Variants in CAMSAP1 observed in about 807,000 individuals in gnomAD.
CAMSAP1 encodes the protein calmodulin-regulated spectrin-associated protein 1.
CAMSAP1 carries 58 observed loss-of-function variants against 143.5 expected under a neutral mutation model. The observed-to-expected ratio is 0.40, with a 90% CI of 0.33 to 0.50. The LOEUF (loss-of-function observed/expected upper bound fraction) is 0.50. Among genes scored for constraint, CAMSAP1 ranks in the 20% least tolerant of loss-of-function variants. The pLI, the probability that CAMSAP1 is intolerant of heterozygous loss-of-function variation, is 0.45. For synonymous variants in CAMSAP1, 945 were observed against 859.3 expected (o/e 1.10, Z -1.74); for missense variants, 1,969 against 2,115.7 (o/e 0.93, Z 1.36).
rs2131644838 is a variant in CAMSAP1 at position 135,818,183 on chromosome 9, C to T, written c.4169-104G>A. On this transcript the variant is annotated intron_variant, in intron 13 of 16. Coordinates refer to ENST00000389532, the MANE Select transcript of CAMSAP1 (RefSeq NM_015447.4). This position sits in a 1 kb window ranked among gnomAD's most constrained non-coding sequence, Gnocchi z 7.7. ...CACCTCGCCCTGCAGAGCTCGGCCA[C>T]ACAGGCCGCGTCCCCACCCCATCCC... 7.8e-7 allele frequency: 1 copy of T among 1,285,700 alleles called. No homozygotes were observed. The highest frequency in any genetic ancestry group is 2.5e-5 in the East Asian group (1 of 39,790). 79.6% of individuals were successfully genotyped at this position (1,285,700 alleles called of 1,614,324 possible). A position where few individuals can be genotyped will look rare whatever the true frequency, so the allele number is the denominator to read the frequency against.
At chr9:135,840,845 G>A (rs181050064) in intron 7 of CAMSAP1, among the ~76,000 whole-genome samples, 5 of 152,250 alleles carry the variant, frequency 3.3e-5, no homozygotes, top group South Asian at 2.1e-4. Flanking sequence ...CACAGTCTTC[G>A]CAACCCACAG....
chr9:135,809,285 A>G lies in CAMSAP1; in HGVS notation c.*2024T>C, dbSNP rs1319988844. On this transcript the variant is annotated 3_prime_UTR_variant, in exon 17 of 17. Transcript: ENST00000389532. ...GGGACATCAGGAATGTCCATGCCAC[A>G]TTAGTGCTTACTCGCAACGAACAGT... The G allele has an allele frequency of 6.6e-6, 1 of 152,230 alleles. No homozygotes were observed. The highest frequency in any genetic ancestry group is 2.4e-5 in the African/African-American group (1 of 41,464). The allele number at this position is 152,230 out of a possible 1,614,324, so 9.4% of individuals were successfully genotyped here. A position where few individuals can be genotyped will look rare whatever the true frequency, so the allele number is the denominator to read the frequency against.
chr9:135,849,242 A>G (rs1009188543), intron 7 of CAMSAP1, among the ~76,000 whole-genome samples: 2 of 152,258 alleles, frequency 1.3e-5, no homozygotes, highest in Non-Finnish European at 1.5e-5. Context: ...CTGTTTTAGA[A>G]TAAAGTGCTG....
At chr9:135,850,891 C>T (rs571935762) in intron 5 of CAMSAP1, among the ~76,000 whole-genome samples, 3 of 152,362 alleles carry the variant, frequency 2.0e-5, no homozygotes, top group African/African-American at 7.2e-5. Flanking sequence ...AAACGTAAAG[C>T]ATCAGGCTCA....
chr9:135,861,819 C>T (rs1837202576), intron 5 of CAMSAP1, among the ~76,000 whole-genome samples: 1 of 152,152 alleles, frequency 6.6e-6, no homozygotes, highest in African/African-American at 2.4e-5. Flanking sequence ...AAACCTAAAT[C>T]AGAATTCATG....
intron 3 of CAMSAP1, among the ~76,000 whole-genome samples, chr9:135,871,522 A>G (rs555306431): frequency 3.0e-4 from 46 of 152,330 alleles, no homozygotes; most frequent in Non-Finnish European, 5.1e-4. Flanking sequence ...ATTTTTCACT[A>G]AAACATTGTT....
At position 135,811,151 on chromosome 9, in the gene CAMSAP1, G is replaced by GT; in HGVS notation, c.*157dup. Reference sequence around the variant, plus strand: ...GCTGAGAGAGGGGTTTTCTTCTGCTGTCTAGAAACCTCTTTGCAAAAGGTC... The same window carrying GT: ...GCTGAGAGAGGGGTTTTCTTCTGCTGTTCTAGAAACCTCTTTGCAAAAGGTC... On this transcript the variant is annotated 3_prime_UTR_variant, in exon 17 of 17. Coordinates refer to ENST00000389532, the MANE Select transcript of CAMSAP1 (RefSeq NM_015447.4). The surrounding 1 kb of genome is among the most constrained non-coding windows in gnomAD (Gnocchi z 4.9). The GT allele has an allele frequency of 1.2e-6, 1 of 833,582 alleles. No individual in the cohort carries two copies. The highest frequency in any genetic ancestry group is 1.8e-5 in the South Asian group (1 of 54,270). 51.6% of individuals were successfully genotyped at this position (833,582 alleles called of 1,614,324 possible). A position where few individuals can be genotyped will look rare whatever the true frequency, so the allele number is the denominator to read the frequency against.
At chr9:135,877,331 T>G (rs1837786435) in intron 3 of CAMSAP1, among the ~76,000 whole-genome samples, 1 of 151,322 alleles carries the variant, frequency 6.6e-6, no homozygotes, top group Non-Finnish European at 1.5e-5. Context: ...AGTAGTTACC[T>G]GCATTGGGGT....
intron 7 of CAMSAP1, among the ~76,000 whole-genome samples, chr9:135,841,069 C>T (rs565853470): frequency 6.6e-6 from 1 of 152,172 alleles, no homozygotes; most frequent in Non-Finnish European, 1.5e-5. Context: ...ATCCAACCCC[C>T]ACAGAGCCCA....
chr9:135,827,344 A>C lies in CAMSAP1; in HGVS notation c.1223+63T>G, dbSNP rs895456978. 3 of 1,375,696 alleles carry C rather than the reference A, an allele frequency of 2.2e-6. No homozygotes were observed. In the African/African-American group the frequency reaches 4.3e-5, roughly 20 times the overall value. The allele number at this position is 1,375,696 out of a possible 1,614,324, so 85.2% of individuals were successfully genotyped here. On this transcript the variant is annotated intron_variant, in intron 8 of 16. Coordinates refer to ENST00000389532, the MANE Select transcript of CAMSAP1 (RefSeq NM_015447.4). The stretch of plus-strand genomic sequence containing the variant: ...AAAAGGTAACTTCAATTAATATTTT[A>C]AACTAACACAAAAAGGGACACAAGA...
At position 135,818,738 on chromosome 9, in the gene CAMSAP1, C is replaced by G. The variant is rs1009434187; in HGVS notation, c.3960-122G>C. The G allele has an allele frequency of 6.4e-6, 8 of 1,242,760 alleles. No homozygotes were observed. In the African/African-American group the frequency reaches 1.1e-4, roughly 16 times the overall value. The allele number at this position is 1,242,760 out of a possible 1,614,324, so 77.0% of individuals were successfully genotyped here. On this transcript the variant is annotated intron_variant, in intron 12 of 16. Coordinates refer to ENST00000389532, the MANE Select transcript of CAMSAP1 (RefSeq NM_015447.4). The surrounding 1 kb of genome is among the most constrained non-coding windows in gnomAD (Gnocchi z 7.7). ...CCCCGGCCGCTGGGACCAAGAGTGG[C>G]CAGCCTCCACAAGCGGGACACAGAG... is the stretch of plus-strand genomic sequence containing the variant.
rs375587575 is a variant in CAMSAP1 at position 135,851,027 on chromosome 9, T to C, written c.809-566A>G. Among the ~76,000 whole-genome samples the C allele has an allele frequency of 7.7e-4, 118 of 152,276 alleles. 2 individuals carry two copies. In the East Asian group the frequency reaches 0.02, roughly 26 times the overall value. Reference sequence around the variant, plus strand: ...GGCTATAGCATCTGCAGGGCAACTTTCCATTGCACGTGACTTTGCAGACCC... The same window carrying C: ...GGCTATAGCATCTGCAGGGCAACTTCCCATTGCACGTGACTTTGCAGACCC... On this transcript the variant is annotated intron_variant, in intron 5 of 16. Transcript: ENST00000389532.
At position 135,825,452 on chromosome 9, in the gene CAMSAP1, C is replaced by G. The variant is rs114935056; in HGVS notation, c.1224-572G>C. Among the ~76,000 whole-genome samples the G allele has an allele frequency of 5.1e-3, 775 of 152,312 alleles. 5 individuals are homozygous for G. The highest frequency in any genetic ancestry group is 0.018 in the African/African-American group (745 of 41,576). On this transcript the variant is annotated intron_variant, in intron 8 of 16. Transcript: ENST00000389532. ...ATCCATAAAAACCTCTAAAATCACT[C>G]ACACCTTTACCACTCCTTGGATTAT...
At chr9:135,879,666 C>CA (rs1298956280) in intron 3 of CAMSAP1, among the ~76,000 whole-genome samples, 9 of 147,684 alleles carry the variant, frequency 6.1e-5, no homozygotes, top group East Asian at 2.0e-4. Flanking sequence ...CAGATTTGGC[C>CA]AAAAAAAAAC....
intron 16 of CAMSAP1, among the ~76,000 whole-genome samples, chr9:135,814,239 C>T (rs896981879): frequency 2.0e-5 from 3 of 152,204 alleles, no homozygotes; most frequent in Non-Finnish European, 2.9e-5. Flanking sequence ...AGAACACATC[C>T]GTTTTAAAGT....
At chr9:135,889,029 G>A (rs1470298943) in intron 1 of CAMSAP1, among the ~76,000 whole-genome samples, 1 of 152,220 alleles carries the variant, frequency 6.6e-6, no homozygotes, top group Non-Finnish European at 1.5e-5. Flanking sequence ...TCAGAGAGGG[G>A]AGAGGATCCC....
chr9:135,817,931 C>G (rs373787349), intron 14 of CAMSAP1, 46 bp downstream of exon 14: 21 of 1,546,958 alleles, frequency 1.4e-5, no homozygotes, highest in Middle Eastern at 1.7e-4. Context: ...CCTGCCCCTC[C>G]GAACGTCCTC....
At position 135,820,546 on chromosome 9, in the gene CAMSAP1, CA is replaced by C. The variant is rs10715807; in HGVS notation, c.3822+292del. ...GACAGGGTTTTGACTGGAAAACCAG[CA>C]AAAAAAAAAAAACTATGTTGAAAAT... On this transcript the variant is annotated intron_variant, in intron 11 of 16. Coordinates refer to ENST00000389532, the MANE Select transcript of CAMSAP1 (RefSeq NM_015447.4). This position sits in a 1 kb window ranked among gnomAD's most constrained non-coding sequence, Gnocchi z 4.4. Among the ~76,000 whole-genome samples, 86,765 of 145,682 alleles carry C rather than the reference CA, an allele frequency of 0.6. 25,782 individuals carry two copies. Among genetic ancestry groups the C allele is most frequent in the African/African-American group, 0.73 (28,975 of 39,800 alleles).
intron 4 of CAMSAP1, 132 bp from the exon 5 acceptor site, chr9:135,862,740 TAGAA>T: frequency 1.1e-6 from 1 of 892,020 alleles, no homozygotes; most frequent in Non-Finnish European, 1.7e-6. Context: ...TGCAATAATC[TAGAA>T]AGAGTTAGAA....
Sources: gnomAD v4.1 joint callset for allele counts (sites outside exome capture counted in the v4.1 genomes callset) on GRCh38, gnomAD v4.1.1 for gene constraint, Gnocchi (gnomAD v3.1) non-coding constraint, MANE v1.5 for transcripts, NCBI Gene and HGNC (gene_info 2026-07-23, HGNC 2026-07-21) for gene names.